Variants in GRIK2 observed in about 807,000 individuals in gnomAD.
GRIK2 encodes glutamate receptor ionotropic, kainate 2.
Under a neutral mutation model 100.3 loss-of-function variants are expected in GRIK2, and 32 were observed. The ratio of observed to expected loss-of-function variants is 0.32; its 90% CI spans 0.24 to 0.43. GRIK2 has a LOEUF of 0.43. GRIK2 is among the 20% of genes least tolerant of loss of function. The pLI is 1.00. For synonymous variants in GRIK2, 417 were observed against 389.4 expected (o/e 1.07, Z -0.83); for missense variants, 843 against 1,114.9 (o/e 0.76, Z 3.47).
intron 14 of GRIK2, among the ~76,000 whole-genome samples, chr6:101,969,058 C>T (rs920812948): frequency 1.3e-5 from 2 of 151,844 alleles, no homozygotes; most frequent in African/African-American, 4.8e-5. Flanking sequence ...AATAAAGTGA[C>T]TGAATAAAAT....
At chr6:101,853,613 A>G (rs2128440961) in intron 10 of GRIK2, among the ~76,000 whole-genome samples, 1 of 152,328 alleles carries the variant, frequency 6.6e-6, no homozygotes, top group Non-Finnish European at 1.5e-5. Context: ...CCAAAAACTT[A>G]TGTCCACACA....
intron 2 of GRIK2, among the ~76,000 whole-genome samples, chr6:101,582,597 G>A (rs1287673756): frequency 1.3e-5 from 2 of 152,094 alleles, no homozygotes; most frequent in Non-Finnish European, 2.9e-5. Context: ...AAAGCAGCAT[G>A]AGAATGGACT....
chr6:101,747,963 T>G lies in GRIK2; in HGVS notation c.952-51685T>G, dbSNP rs142370713. 6.6e-5 allele frequency among the ~76,000 whole-genome samples: 10 copies of G among 152,256 alleles called. No homozygotes were observed. The East Asian group carries it at 1.7e-3, about 26-fold the overall frequency. ...AGAGTCTCTGCAGGAGGATTTCAAA[T>G]AGTGCCAAATCAGAAAGAGATAGCA... On this transcript the variant is annotated intron_variant, in intron 7 of 16. Coordinates refer to ENST00000369134, the MANE Select transcript of GRIK2 (RefSeq NM_021956.5).
intron 14 of GRIK2, among the ~76,000 whole-genome samples, chr6:101,953,155 T>C (rs1174141183): frequency 6.6e-6 from 1 of 152,240 alleles, no homozygotes; most frequent in Non-Finnish European, 1.5e-5. Context: ...ACAAATTTTA[T>C]TTATCTGTTT....
At chr6:101,557,294 G>GT (rs1776794813) in intron 2 of GRIK2, among the ~76,000 whole-genome samples, 1 of 152,096 alleles carries the variant, frequency 6.6e-6, no homozygotes, top group South Asian at 2.1e-4. Flanking sequence ...CTCAATCAGC[G>GT]TAAGATCCTG....
At chr6:101,903,170 A>G (rs888789602) in intron 12 of GRIK2, among the ~76,000 whole-genome samples, 1 of 151,852 alleles carries the variant, frequency 6.6e-6, no homozygotes. Context: ...TGTATATCTT[A>G]TTAACTAGAA....
chr6:101,760,091 G>A (rs1424055475), intron 7 of GRIK2, among the ~76,000 whole-genome samples: 2 of 141,730 alleles, frequency 1.4e-5, no homozygotes, highest in South Asian at 2.1e-4. Flanking sequence ...GGATGGTCTC[G>A]ATCTCCTGAC....
intron 9 of GRIK2, among the ~76,000 whole-genome samples, chr6:101,806,626 G>GT (rs10666025): frequency 0.03 from 4,285 of 141,362 alleles, 53 homozygotes; most frequent in African/African-American, 0.041. Flanking sequence ...CCTACAGAGG[G>GT]TTTTTTTTTT....
At chr6:102,016,615 A>G (rs950672387) in intron 14 of GRIK2, among the ~76,000 whole-genome samples, 2 of 151,854 alleles carry the variant, frequency 1.3e-5, no homozygotes, top group Non-Finnish European at 2.9e-5. Flanking sequence ...TCCAAAAAAT[A>G]TGGGATTAGA....
chr6:101,656,897 C>T (rs1230612587), intron 4 of GRIK2, among the ~76,000 whole-genome samples: 1 of 152,164 alleles, frequency 6.6e-6, no homozygotes, highest in African/African-American at 2.4e-5. Flanking sequence ...CCAATAAGGC[C>T]AGTTATATTG....
chr6:101,548,149 C>A (rs1776339273), intron 2 of GRIK2, among the ~76,000 whole-genome samples: 2 of 151,944 alleles, frequency 1.3e-5, no homozygotes, highest in Non-Finnish European at 2.9e-5. Context: ...TATCCTTCGC[C>A]CACTTTTTGA....
At chr6:101,686,801 T>G (rs1307607160) in intron 7 of GRIK2, among the ~76,000 whole-genome samples, 1 of 152,154 alleles carries the variant, frequency 6.6e-6, no homozygotes, top group Non-Finnish European at 1.5e-5. Flanking sequence ...TTACTCACTC[T>G]TTAAGGCTGA....
At chr6:101,736,723 C>T (rs779422294) in intron 7 of GRIK2, among the ~76,000 whole-genome samples, 6 of 152,326 alleles carry the variant, frequency 3.9e-5, no homozygotes, top group South Asian at 2.1e-4. Context: ...AGACCTCTGA[C>T]ATGCCCTGGA....
intron 2 of GRIK2, among the ~76,000 whole-genome samples, chr6:101,441,380 C>T (rs567652885): frequency 3.7e-4 from 57 of 152,054 alleles, no homozygotes; most frequent in Non-Finnish European, 6.9e-4. Flanking sequence ...AACAAACAAA[C>T]AAAAAGCAGT....
chr6:102,056,481 T>C (rs1306400139), intron 16 of GRIK2, among the ~76,000 whole-genome samples: 1 of 152,020 alleles, frequency 6.6e-6, no homozygotes, highest in Admixed American at 6.6e-5. Flanking sequence ...ATCTTTTGTA[T>C]GTAAACATCT....
intron 14 of GRIK2, among the ~76,000 whole-genome samples, chr6:101,955,180 G>C (rs1030282263): frequency 6.6e-6 from 1 of 151,794 alleles, no homozygotes; most frequent in Non-Finnish European, 1.5e-5. Context: ...GATTTTTTTG[G>C]GGGGTTTTGA....
chr6:102,065,871 G>T, intron 16 of GRIK2: 1 of 1,460,006 alleles, frequency 6.8e-7, no homozygotes, highest in Non-Finnish European at 9.1e-7. Flanking sequence ...CTACAGTGTT[G>T]TCATCATCAC....
At chr6:101,588,240 A>C (rs1778471332) in intron 2 of GRIK2, among the ~76,000 whole-genome samples, 1 of 152,108 alleles carries the variant, frequency 6.6e-6, no homozygotes, top group Non-Finnish European at 1.5e-5. Context: ...CGATAAGAAA[A>C]ATAGAAAAAA....
chr6:101,826,009 A>G (rs1046029223), intron 10 of GRIK2, among the ~76,000 whole-genome samples: 1 of 152,040 alleles, frequency 6.6e-6, no homozygotes, highest in Non-Finnish European at 1.5e-5. Flanking sequence ...TTCAGGACTC[A>G]CAATGCTGAT....
Sources: gnomAD v4.1 joint callset for allele counts (sites outside exome capture counted in the v4.1 genomes callset) on GRCh38, gnomAD v4.1.1 for gene constraint, MANE v1.5 for transcripts, NCBI Gene and HGNC (gene_info 2026-07-23, HGNC 2026-07-21) for gene names.